TDRD1: variants seen among roughly 807,000 people sequenced by gnomAD.
TDRD1 encodes the protein tudor domain containing 1.
Under a neutral mutation model 140.6 loss-of-function variants are expected in TDRD1, and 37 were observed. That is an observed-to-expected ratio of 0.26 (90% CI 0.20 to 0.35). TDRD1 has a LOEUF of 0.35. Ranked by LOEUF, TDRD1 falls within the 10% of genes least tolerant of loss-of-function variation. The probability of loss-of-function intolerance (pLI) is 1.00; values close to 1 mark genes in which losing one functional copy is unlikely to be tolerated. For synonymous variants in TDRD1, 506 were observed against 475.7 expected (o/e 1.06, Z -0.83); for missense variants, 1,243 against 1,393.0 (o/e 0.89, Z 1.71).
chr10:114,227,895 T>C lies in TDRD1; in HGVS notation c.3404-15T>C. 6.2e-7 allele frequency: 1 copy of C among 1,610,822 alleles called. No homozygotes were observed. Among genetic ancestry groups the C allele is most frequent in the South Asian group, 1.1e-5 (1 of 90,900 alleles). On this transcript the variant is annotated splice_polypyrimidine_tract_variant and intron_variant, in intron 23 of 25. Coordinates refer to ENST00000251864, the Ensembl canonical transcript of TDRD1. ...TTATGTGTTATCTAATGGCTTATTT[T>C]TCTTGTGCTTTTAGAAAAGATGTAT...
chr10:114,205,635 T>C (rs989938373), intron 10 of TDRD1, among the ~76,000 whole-genome samples: 1 of 152,204 alleles, frequency 6.6e-6, no homozygotes, highest in African/African-American at 2.4e-5. Context: ...AAATCTTTCG[T>C]GTTCTTCAGG....
chr10:114,216,399 T>C (rs2035817738), intron 16 of TDRD1, among the ~76,000 whole-genome samples: 1 of 152,238 alleles, frequency 6.6e-6, no homozygotes, highest in South Asian at 2.1e-4. Flanking sequence ...GTGTTTTTTC[T>C]TTTTTGTTTG....
chr10:114,228,657 T>C (rs2036581199), intron 25 of TDRD1: 1 of 985,368 alleles, frequency 1.0e-6, no homozygotes, highest in African/African-American at 1.7e-5. Context: ...GTGGTGATTC[T>C]AGTGTCTAAA....
exon 15 of TDRD1, chr10:114,213,458 C>G (rs1394155973): frequency 2.5e-6 from 4 of 1,613,952 alleles, no homozygotes; most frequent in Non-Finnish European, 3.4e-6. Context: ...AAAACAGTTC[C>G]CTGGTGGAGC....
At chr10:114,213,946 A>G (rs936066050) in intron 15 of TDRD1, 31 bp from the exon 16 acceptor site, 5 of 1,612,652 alleles carry the variant, frequency 3.1e-6, no homozygotes, top group South Asian at 1.1e-5. Context: ...CTCCTCCACT[A>G]TGTCCATTTA....
rs761546754 is a variant in TDRD1 at position 114,191,033 on chromosome 10, T to TTG, written c.384+23_384+24dup. 1.9e-6 allele frequency: 3 copies of TTG among 1,613,020 alleles called. No homozygotes were observed. Among genetic ancestry groups the TTG allele is most frequent in the Non-Finnish European group, 2.5e-6 (3 of 1,179,254 alleles). ...GAAGTGAATATTGTAAGTTATTTTATTGTGTGTGTGCTTGTTTGGGTAAAA... is the reference window on the plus strand; with the variant it reads ...GAAGTGAATATTGTAAGTTATTTTATTGTGTGTGTGTGCTTGTTTGGGTAAAA... On this transcript the variant is annotated intron_variant, in intron 3 of 25. Coordinates refer to ENST00000251864, the Ensembl canonical transcript of TDRD1.
intron 11 of TDRD1, among the ~76,000 whole-genome samples, chr10:114,206,876 A>G (rs2035154772): frequency 6.6e-6 from 1 of 152,300 alleles, no homozygotes; most frequent in Admixed American, 6.5e-5. Context: ...TCAGCCTCCC[A>G]AAGTGCTGGG....
intron 2 of TDRD1, among the ~76,000 whole-genome samples, chr10:114,189,922 A>G (rs1166773069): frequency 3.9e-5 from 6 of 152,248 alleles, no homozygotes; most frequent in African/African-American, 1.2e-4. Context: ...TAACGTAACA[A>G]TATGAAAAGT....
At chr10:114,202,533 C>T (rs2034822926) in intron 6 of TDRD1, among the ~76,000 whole-genome samples, 2 of 152,066 alleles carry the variant, frequency 1.3e-5, no homozygotes, top group Non-Finnish European at 2.9e-5. Flanking sequence ...AATCATGCCT[C>T]TGAAGGCACA....
intron 2 of TDRD1, 88 bp downstream of exon 2, chr10:114,188,244 T>A: frequency 8.5e-7 from 1 of 1,181,416 alleles, no homozygotes; most frequent in Non-Finnish European, 1.2e-6. Context: ...ACCAGTGGGC[T>A]ATTAGCAGAA....
At chr10:114,228,438 C>T (rs1335256689) in intron 25 of TDRD1, 2 of 1,064,754 alleles carry the variant, frequency 1.9e-6, no homozygotes, top group East Asian at 1.6e-4. Flanking sequence ...CTTGTTGTGA[C>T]ATAAAGCTTA....
Position 114,203,108 on chromosome 10 carries a change from A to G in TDRD1, c.733A>G (p.Ile245Val), listed in dbSNP as rs75799588. 4.0e-4 allele frequency: 650 copies of G among 1,613,950 alleles called. 3 individuals carry two copies. The African/African-American group carries it at 6.6e-3, about 16-fold the overall frequency. Residue 245 changes from isoleucine to valine, a missense_variant, in exon 7 of 26, where the codon ATT (isoleucine) becomes GTT (valine). Around this residue, in one of 5 missense-constraint regions of TDRD1, gnomAD observed 392 missense variants for 394.1 expected, o/e 0.99. Transcript: ENST00000251864. ...ACTTGGAGTTACTAAGGAAATAGCCATTTGGGCTGAGAGAATAATGTTTTC... is the reference window on the plus strand; with the variant it reads ...ACTTGGAGTTACTAAGGAAATAGCCGTTTGGGCTGAGAGAATAATGTTTTC...
chr10:114,199,442 A>G, intron 4 of TDRD1, 125 bp downstream of exon 4: 1 of 1,195,702 alleles, frequency 8.4e-7, no homozygotes, highest in Non-Finnish European at 1.1e-6. Context: ...CACCCGTCTC[A>G]GCCTCAGCAG....
chr10:114,180,474 T>C (rs1429505030), intron 1 of TDRD1, among the ~76,000 whole-genome samples: 3 of 152,174 alleles, frequency 2.0e-5, no homozygotes, highest in Non-Finnish European at 2.9e-5. Flanking sequence ...GTGTTTTTGT[T>C]TGTTCTTTGA....
At chr10:114,185,832 A>G (rs948719570) in intron 1 of TDRD1, among the ~76,000 whole-genome samples, 9 of 151,964 alleles carry the variant, frequency 5.9e-5, no homozygotes, top group African/African-American at 2.2e-4. Context: ...CAAGTGATCC[A>G]CCTGCCTTGG....
At chr10:114,190,280 GA>G (rs2033865095) in intron 2 of TDRD1, among the ~76,000 whole-genome samples, 1 of 152,018 alleles carries the variant, frequency 6.6e-6, no homozygotes, top group African/African-American at 2.4e-5. Context: ...TTTTTAAATG[GA>G]TGTTTAAATT....
chr10:114,205,355 A>G (rs757526421), intron 10 of TDRD1, among the ~76,000 whole-genome samples: 2 of 152,176 alleles, frequency 1.3e-5, no homozygotes, highest in Non-Finnish European at 2.9e-5. Flanking sequence ...TCACAGTGTG[A>G]TGGGTGCCTC....
At chr10:114,198,081 C>T (rs565932858) in intron 3 of TDRD1, among the ~76,000 whole-genome samples, 31 of 152,264 alleles carry the variant, frequency 2.0e-4, no homozygotes, top group South Asian at 2.1e-4. Context: ...ATATTCAACT[C>T]GGGGGCTCTT....
At chr10:114,182,389 C>A (rs187940880) in intron 1 of TDRD1, among the ~76,000 whole-genome samples, 2 of 152,304 alleles carry the variant, frequency 1.3e-5, no homozygotes, top group East Asian at 3.9e-4. Flanking sequence ...AAACATTCTC[C>A]AAATAGGGTG....
Sources: allele counts gnomAD v4.1 joint callset (sites outside exome capture counted in the v4.1 genomes callset), GRCh38; gene constraint gnomAD v4.1.1; regional missense constraint gnomAD v4.1.1; transcripts MANE v1.5; gene names NCBI Gene and HGNC (gene_info 2026-07-23, HGNC 2026-07-21).